Variants in ARB2A observed in about 807,000 individuals in gnomAD.
ARB2A encodes ARB2 cotranscriptional regulator A.
At chr5:93,855,052 G>A in the ARB2A span, among the ~76,000 whole-genome samples, 1 of 152,270 alleles carries the variant, frequency 6.6e-6, no homozygotes, top group South Asian at 2.1e-4. Context: ...AATGTTGATA[G>A]TGGGGTGTTA....
At chr5:93,833,741 A>T in the ARB2A span, among the ~76,000 whole-genome samples, 3 of 152,222 alleles carry the variant, frequency 2.0e-5, no homozygotes, top group Non-Finnish European at 4.4e-5. Flanking sequence ...AAACAACAGG[A>T]AAATCAGAAT....
chr5:94,047,154 A>T, the ARB2A span, among the ~76,000 whole-genome samples: 4 of 152,238 alleles, frequency 2.6e-5, no homozygotes, highest in African/African-American at 7.2e-5. Context: ...TTGGTACTTA[A>T]AGCTGAGGAG....
At chr5:94,025,415 T>C in the ARB2A span, among the ~76,000 whole-genome samples, 1 of 152,228 alleles carries the variant, frequency 6.6e-6, no homozygotes, top group Non-Finnish European at 1.5e-5. Context: ...CCACCAATCC[T>C]ATCATATTAG....
At chr5:93,866,601 C>T in the ARB2A span, among the ~76,000 whole-genome samples, 1 of 152,180 alleles carries the variant, frequency 6.6e-6, no homozygotes, top group Middle Eastern at 3.4e-3. Context: ...AAAAGTAGGC[C>T]ATCTGTATAT....
the ARB2A span, among the ~76,000 whole-genome samples, chr5:93,710,592 T>C: frequency 6.6e-6 from 1 of 152,208 alleles, no homozygotes; most frequent in African/African-American, 2.4e-5. Context: ...AAGGTGACTG[T>C]AGTATTTAAA....
chr5:93,838,659 T>C, the ARB2A span, among the ~76,000 whole-genome samples: 1 of 152,220 alleles, frequency 6.6e-6, no homozygotes, highest in Non-Finnish European at 1.5e-5. Context: ...ATTACATTGA[T>C]TCTTCCTATC....
the ARB2A span, among the ~76,000 whole-genome samples, chr5:93,636,180 CTTTG>C: frequency 3.9e-5 from 6 of 152,124 alleles, no homozygotes; most frequent in Admixed American, 3.9e-4. Context: ...ATATATCTTG[CTTTG>C]TGGCCACTAG....
the ARB2A span, among the ~76,000 whole-genome samples, chr5:94,062,567 CCATG>C: frequency 6.6e-6 from 1 of 152,084 alleles, no homozygotes; most frequent in East Asian, 1.9e-4. Context: ...GCAATCCTAG[CCATG>C]CAAGAGCTCC....
the ARB2A span, among the ~76,000 whole-genome samples, chr5:94,060,141 C>T: frequency 6.6e-6 from 1 of 152,162 alleles, no homozygotes; most frequent in South Asian, 2.1e-4. Flanking sequence ...AGGCAGATCA[C>T]GAGGTTAGGA....
At chr5:93,741,372 G>A in the ARB2A span, 7 of 1,612,030 alleles carry the variant, frequency 4.3e-6, no homozygotes, top group Non-Finnish European at 5.9e-6. Flanking sequence ...GGGGACCCAG[G>A]GGAATCCTCC....
chr5:93,948,870 G>A, the ARB2A span, among the ~76,000 whole-genome samples: 1 of 152,104 alleles, frequency 6.6e-6, no homozygotes, highest in Non-Finnish European at 1.5e-5. Flanking sequence ...CACAAAGCCT[G>A]GCTGGAAACC....
At chr5:93,851,630 A>T in the ARB2A span, among the ~76,000 whole-genome samples, 1 of 152,010 alleles carries the variant, frequency 6.6e-6, no homozygotes, top group Non-Finnish European at 1.5e-5. Context: ...CAGTGCCCAG[A>T]GTGTGATGTT....
At chr5:93,636,918 CT>C in the ARB2A span, among the ~76,000 whole-genome samples, 3 of 152,158 alleles carry the variant, frequency 2.0e-5, no homozygotes, top group Non-Finnish European at 4.4e-5. Context: ...ACTGAGAGGT[CT>C]TGTGTTCCTT....
the ARB2A span, among the ~76,000 whole-genome samples, chr5:93,884,059 G>C: frequency 6.6e-6 from 1 of 151,020 alleles, no homozygotes; most frequent in Non-Finnish European, 1.5e-5. Flanking sequence ...ACATTTTAAT[G>C]ATAATATGAA....
the ARB2A span, among the ~76,000 whole-genome samples, chr5:93,856,210 G>C: frequency 6.6e-6 from 1 of 152,148 alleles, no homozygotes; most frequent in Non-Finnish European, 1.5e-5. Flanking sequence ...CTCTCTGGCT[G>C]CCCTTAACAT....
the ARB2A span, among the ~76,000 whole-genome samples, chr5:93,767,993 CAAAAAAAAAAAAAAAAAAA>C: frequency 9.5e-5 from 2 of 20,944 alleles, no homozygotes; most frequent in Non-Finnish European, 2.4e-4. Context: ...GACTCCATCT[CAAAAAAAAAAAAAAAAAAA>C]AAAAAAAAAA....
At chr5:93,741,737 T>C in the ARB2A span, 4 of 720,566 alleles carry the variant, frequency 5.6e-6, no homozygotes, top group South Asian at 4.3e-5. Context: ...TCCTGGGTCC[T>C]AGGGTTAAGG....
the ARB2A span, among the ~76,000 whole-genome samples, chr5:93,882,471 C>A: frequency 6.7e-6 from 1 of 150,254 alleles, no homozygotes; most frequent in East Asian, 1.9e-4. Flanking sequence ...GCTTGTTGAG[C>A]TATTAAGGCT....
chr5:93,671,375 C>G, the ARB2A span, among the ~76,000 whole-genome samples: 18 of 151,856 alleles, frequency 1.2e-4, no homozygotes, highest in African/African-American at 4.1e-4. Context: ...AAGATAAAAG[C>G]CCAAATGTAA....
Sources: gnomAD v4.1 joint callset for allele counts (sites outside exome capture counted in the v4.1 genomes callset) on GRCh38, gnomAD v4.1.1 for gene constraint, MANE v1.5 for transcripts, NCBI Gene and HGNC (gene_info 2026-07-23, HGNC 2026-07-21) for gene names.